Variants in FARP1 observed in about 807,000 individuals in gnomAD.
The protein encoded by FARP1 is FERM, ARH/RhoGEF and pleckstrin domain protein 1.
FARP1 carries 52 observed loss-of-function variants against 128.8 expected under a neutral mutation model. The observed-to-expected ratio is 0.40, with a 90% CI of 0.32 to 0.51. The LOEUF is 0.51. Among genes scored for constraint, FARP1 ranks in the 20% least tolerant of loss-of-function variants. The pLI is 0.45. For synonymous variants in FARP1, 580 were observed against 551.8 expected (o/e 1.05, Z -0.72); for missense variants, 1,333 against 1,367.9 (o/e 0.97, Z 0.40).
intron 1 of FARP1, among the ~76,000 whole-genome samples, chr13:98,160,238 T>C (rs1178144091): frequency 1.3e-5 from 2 of 152,150 alleles, no homozygotes; most frequent in African/African-American, 4.8e-5. Context: ...ATAAAGGAAC[T>C]GAGAAATGAA....
chr13:98,313,486 GGAGGA>G (rs540974315), intron 2 of FARP1, among the ~76,000 whole-genome samples: 84 of 152,338 alleles, frequency 5.5e-4, no homozygotes, highest in African/African-American at 1.9e-3. Context: ...AGAACCTTCA[GGAGGA>G]ACCGGCCCTG....
chr13:98,309,524 A>G (rs1403789319), intron 2 of FARP1, among the ~76,000 whole-genome samples: 2 of 152,046 alleles, frequency 1.3e-5, no homozygotes, highest in East Asian at 1.9e-4. Context: ...TTTAACTTAT[A>G]TTTGTAGCTC....
intron 1 of FARP1, among the ~76,000 whole-genome samples, chr13:98,168,171 CAA>C (rs61061654): frequency 1.1e-4 from 16 of 140,382 alleles, no homozygotes; most frequent in Admixed American, 2.9e-4. Flanking sequence ...GACTCCATCT[CAA>C]AAAAAAAAAA....
chr13:98,366,829 GT>G (rs1048347563), intron 4 of FARP1, among the ~76,000 whole-genome samples: 26 of 151,796 alleles, frequency 1.7e-4, no homozygotes, highest in Non-Finnish European at 2.5e-4. Context: ...TTAATGCCTT[GT>G]TTTTTTCTCC....
At chr13:98,427,246 A>G (rs1311703015) in intron 17 of FARP1, among the ~76,000 whole-genome samples, 1 of 151,990 alleles carries the variant, frequency 6.6e-6, no homozygotes, top group African/African-American at 2.4e-5. Context: ...ATCTTTCCAG[A>G]TGTCACATAG....
intron 6 of FARP1, among the ~76,000 whole-genome samples, chr13:98,379,446 G>A (rs1407489768): frequency 2.6e-5 from 4 of 151,448 alleles, no homozygotes; most frequent in African/African-American, 9.7e-5. Flanking sequence ...TGGCAGACCT[G>A]ATTTCTGTTC....
rs190896128 is a variant in FARP1 at position 98,303,350 on chromosome 13, C to G, written c.172-40412C>G. ...CAGTCCTAGAAATGTACTAAAAAGT[C>G]ATTGAACTGTATACTTACAGTAGTT... On this transcript the variant is annotated intron_variant, in intron 2 of 26. Transcript: ENST00000319562. Among the ~76,000 whole-genome samples, 94 of 152,284 alleles carry G rather than the reference C, an allele frequency of 6.2e-4. 1 individual carries two copies. Among genetic ancestry groups the G allele is most frequent in the Admixed American group, 4.8e-3 (74 of 15,296 alleles).
chr13:98,157,213 T>C (rs528675145), intron 1 of FARP1, among the ~76,000 whole-genome samples: 1 of 152,316 alleles, frequency 6.6e-6, no homozygotes, highest in South Asian at 2.1e-4. Flanking sequence ...TTGTGTGAGA[T>C]CATGTTACTG....
Position 98,169,863 on chromosome 13 carries a change from A to G in FARP1, c.-24+26371A>G, listed in dbSNP as rs1022679239. On this transcript the variant is annotated intron_variant, in intron 1 of 26. Coordinates refer to ENST00000319562, the MANE Select transcript of FARP1 (RefSeq NM_005766.4). ...GGAGACCATTGTCCATCAGTCTGAG[A>G]TATTTCCTAAGTTTTCAAAAAAAAA... 2.0e-5 allele frequency among the ~76,000 whole-genome samples: 3 copies of G among 151,178 alleles called. No homozygotes were observed. The South Asian group carries it at 6.2e-4, about 31-fold the overall frequency.
intron 2 of FARP1, among the ~76,000 whole-genome samples, chr13:98,334,822 A>G (rs1255420502): frequency 2.0e-5 from 3 of 152,226 alleles, no homozygotes; most frequent in Non-Finnish European, 2.9e-5. Flanking sequence ...GAAGGTGGCC[A>G]TCTGCAAGCC....
rs561256479 is a variant in FARP1 at position 98,152,866 on chromosome 13, C to T, written c.-24+9374C>T. ...TGTGCAAGTCGTGCAACTGAGTCTA[C>T]ATGAATTTCGCGTCCTTTTAAGCTG... On this transcript the variant is annotated intron_variant, in intron 1 of 26. Transcript: ENST00000319562. Among the ~76,000 whole-genome samples the T allele has an allele frequency of 8.5e-5, 13 of 152,282 alleles. No homozygotes were observed. In the South Asian group the frequency reaches 2.5e-3, roughly 29 times the overall value.
intron 20 of FARP1, 69 bp downstream of exon 20, chr13:98,438,941 G>T (rs759237750): frequency 8.5e-5 from 132 of 1,557,366 alleles, no homozygotes; most frequent in Middle Eastern, 1.7e-4. Flanking sequence ...CCCAAGGCCG[G>T]ACCTCGGCCA....
At chr13:98,261,982 C>T (rs542468265) in intron 2 of FARP1, among the ~76,000 whole-genome samples, 1 of 151,862 alleles carries the variant, frequency 6.6e-6, no homozygotes, top group African/African-American at 2.4e-5. Flanking sequence ...GCTAGTTTTG[C>T]TTCCTATAGG....
chr13:98,439,152 A>T lies in FARP1; in HGVS notation c.2389A>T (p.Asn797Tyr). 6.2e-7 allele frequency: 1 copy of T among 1,613,960 alleles called. No individual in the cohort carries two copies. Among genetic ancestry groups the T allele is most frequent in the Non-Finnish European group, 8.5e-7 (1 of 1,179,926 alleles). ...LYTSRGLTAS[N>Y]QFKVHGQLPL... ...CACGAGCCGGGGGCTGACGGCCTCC[A>T]ATCAGTTTAAAGTCCACGGGCAGCT... Residue 797 changes from asparagine to tyrosine, a missense_variant, in exon 21 of 27, where the codon AAT becomes TAT. Coordinates refer to ENST00000319562, the MANE Select transcript of FARP1 (RefSeq NM_005766.4).
chr13:98,213,847 C>G (rs772685142), intron 2 of FARP1, among the ~76,000 whole-genome samples: 3 of 152,038 alleles, frequency 2.0e-5, no homozygotes, highest in Non-Finnish European at 4.4e-5. Flanking sequence ...AACTCAAGTC[C>G]CGGTTACTGG....
chr13:98,284,811 A>G (rs925971375), intron 2 of FARP1, among the ~76,000 whole-genome samples: 2 of 152,208 alleles, frequency 1.3e-5, no homozygotes, highest in African/African-American at 2.4e-5. Flanking sequence ...GATTAAAACC[A>G]GGCTCTGGAA....
intron 17 of FARP1, among the ~76,000 whole-genome samples, 161 bp from the exon 18 acceptor site, chr13:98,430,881 TA>T (rs776003181): frequency 2.0e-5 from 3 of 152,098 alleles, no homozygotes; most frequent in Non-Finnish European, 4.4e-5. Flanking sequence ...TTAAGTGAAA[TA>T]ACAAAAAGAG....
chr13:98,374,730 G>GA lies in FARP1; in HGVS notation c.399-3085dup, dbSNP rs1566930160. The stretch of plus-strand genomic sequence containing the variant: ...TACCTGAGGCAGGGTAATTTATAAA[G>GA]AAAAAAGGTTTATTTTGCTCATGAT... On this transcript the variant is annotated intron_variant, in intron 5 of 26. Transcript: ENST00000319562. Among the ~76,000 whole-genome samples, 3 of 152,154 alleles carry GA rather than the reference G, an allele frequency of 2.0e-5. No individual in the cohort carries two copies. The South Asian group carries it at 6.2e-4, about 31-fold the overall frequency.
At chr13:98,266,487 T>C (rs12431106) in intron 2 of FARP1, among the ~76,000 whole-genome samples, 64,697 of 151,948 alleles carry the variant, frequency 0.43, 14,518 homozygotes, top group African/African-American at 0.56. Context: ...AGCAAACTCC[T>C]ATCAGGCCTG....
Sources: gnomAD v4.1 joint callset for allele counts (sites outside exome capture counted in the v4.1 genomes callset) on GRCh38, gnomAD v4.1.1 for gene constraint, MANE v1.5 for transcripts, NCBI Gene and HGNC (gene_info 2026-07-23, HGNC 2026-07-21) for gene names.